The following CREB3L3 variants were observed in gnomAD, a reference collection of about 807,000 sequenced individuals.
The protein encoded by CREB3L3 is cyclic AMP-responsive element-binding protein 3-like protein 3.
In CREB3L3, 40 loss-of-function variants were observed where a neutral mutation model predicts 44.6. The ratio of observed to expected loss-of-function variants is 0.90; its 90% CI spans 0.70 to 1.17. CREB3L3 has a LOEUF of 1.17. Among genes scored for constraint, CREB3L3 ranks in the 50% most tolerant of loss-of-function variants. CREB3L3 has a pLI of 0.00. For synonymous variants in CREB3L3, 273 were observed against 256.3 expected, an observed-to-expected ratio of 1.06 and a Z score of -0.62; for missense variants, 578 against 595.8, an observed-to-expected ratio of 0.97 and a Z score of 0.31.
Position 4,172,752 on chromosome 19 carries a change from G to A in CREB3L3, c.*783G>A, listed in dbSNP as rs185346946. On this transcript the variant is annotated 3_prime_UTR_variant, in exon 10 of 10. Coordinates refer to ENST00000078445, the MANE Select transcript of CREB3L3 (RefSeq NM_032607.3). ...CCAGACAGACAGACCGACGCAGCCT[G>A]AAAGAGACCCAGACAGAGAGACAGG... The A allele has an allele frequency of 1.1e-3, 222 of 206,338 alleles. 1 individual carries two copies. The highest frequency in any genetic ancestry group is 2.3e-3 in the Admixed American group (39 of 17,082). The allele number at this position is 206,338 out of a possible 1,614,324, so 12.8% of individuals were successfully genotyped here. A position where few individuals can be genotyped will look rare whatever the true frequency, so the allele number is the denominator to read the frequency against.
intron 5 of CREB3L3, among the ~76,000 whole-genome samples, 160 bp from the exon 6 acceptor site, chr19:4,168,191 G>A (rs1966964650): frequency 6.6e-6 from 1 of 151,810 alleles, no homozygotes; most frequent in Non-Finnish European, 1.5e-5. Context: ...TAGAGACGGT[G>A]TTTCACCATG....
chr19:4,154,313 C>T (rs1452969958), intron 1 of CREB3L3, among the ~76,000 whole-genome samples: 1 of 152,136 alleles, frequency 6.6e-6, no homozygotes, highest in Non-Finnish European at 1.5e-5. Context: ...TTCAGGTGAG[C>T]TGCCCGCCTC....
Position 4,155,048 on chromosome 19 carries a change from G to C in CREB3L3, c.156+21G>C, listed in dbSNP as rs751207005. 10 of 1,602,016 alleles carry C rather than the reference G, an allele frequency of 6.2e-6. No homozygotes were observed. In the African/African-American group the frequency reaches 1.2e-4, roughly 19 times the overall value. ...ACCAGGTGAGGAGTCCACTGCAGTT[G>C]CCCCGGGACCACAGAGCTCCAGGCG... On this transcript the variant is annotated intron_variant, in intron 2 of 9. Transcript: ENST00000078445.
chr19:4,156,283 G>A (rs1357664298), intron 2 of CREB3L3, among the ~76,000 whole-genome samples: 4 of 151,326 alleles, frequency 2.6e-5, no homozygotes, highest in Non-Finnish European at 5.9e-5. Flanking sequence ...CACCTCCCAG[G>A]TTCAAGTGAT....
intron 7 of CREB3L3, 152 bp downstream of exon 7, chr19:4,170,360 A>T: frequency 1.3e-6 from 1 of 766,562 alleles, no homozygotes; most frequent in South Asian, 1.5e-5. Flanking sequence ...CTGTAATCTC[A>T]GCACTTTGGG....
intron 5 of CREB3L3, among the ~76,000 whole-genome samples, chr19:4,167,323 A>G (rs1173766905): frequency 7.2e-6 from 1 of 139,740 alleles, no homozygotes. Context: ...AGCCTGGGTG[A>G]CAAGAGCGAA....
At position 4,172,413 on chromosome 19, in the gene CREB3L3, A is replaced by C. The variant is rs1967074481; in HGVS notation, c.*444A>C. ...CAGCCTGAAACAGATCCGGACAGAC[A>C]GACAGAAACAGCCTGAAACAGACCC... is the stretch of plus-strand genomic sequence containing the variant. On this transcript the variant is annotated 3_prime_UTR_variant, in exon 10 of 10. Coordinates refer to ENST00000078445, the MANE Select transcript of CREB3L3 (RefSeq NM_032607.3). 3.2e-6 allele frequency: 1 copy of C among 315,806 alleles called. No homozygotes were observed. The highest frequency in any genetic ancestry group is 9.3e-5 in the East Asian group (1 of 10,752). 19.6% of individuals were successfully genotyped at this position (315,806 alleles called of 1,614,324 possible).
intron 4 of CREB3L3, among the ~76,000 whole-genome samples, chr19:4,164,217 C>A (rs1277116953): frequency 1.3e-5 from 2 of 151,982 alleles, no homozygotes; most frequent in Admixed American, 1.3e-4. Flanking sequence ...TAGTGATTTG[C>A]CCACCTCGGC....
In CREB3L3 at chr19:4,172,172, A is replaced by T; in HGVS notation, c.*203A>T. ...ACCGACACTCAGACACAAGGCAAAGAGGGCCACAGGACCCGGGAAATACAC... is the reference window on the plus strand; with the variant it reads ...ACCGACACTCAGACACAAGGCAAAGTGGGCCACAGGACCCGGGAAATACAC... On this transcript the variant is annotated 3_prime_UTR_variant, in exon 10 of 10. Coordinates refer to ENST00000078445, the MANE Select transcript of CREB3L3 (RefSeq NM_032607.3). 1.6e-6 allele frequency: 1 copy of T among 618,628 alleles called. No homozygotes were observed. Among genetic ancestry groups the T allele is most frequent in the Non-Finnish European group, 2.8e-6 (1 of 354,904 alleles). The allele number at this position is 618,628 out of a possible 1,614,324, so 38.3% of individuals were successfully genotyped here.
In CREB3L3 at chr19:4,153,698, C is replaced by T; in HGVS notation, c.-50C>T. Reference sequence around the variant, plus strand: ...ACGCTGGCGGTGGGTGGGCCTCCAGCTTGGAGCAGAGACCCCCCGAGGCAT... The same window carrying T: ...ACGCTGGCGGTGGGTGGGCCTCCAGTTTGGAGCAGAGACCCCCCGAGGCAT... On this transcript the variant is annotated 5_prime_UTR_variant, in exon 1 of 10. Coordinates refer to ENST00000078445, the MANE Select transcript of CREB3L3 (RefSeq NM_032607.3). The T allele has an allele frequency of 6.2e-7, 1 of 1,611,594 alleles. No individual in the cohort carries two copies. Among genetic ancestry groups the T allele is most frequent in the Non-Finnish European group, 8.5e-7 (1 of 1,178,232 alleles).
intron 2 of CREB3L3, among the ~76,000 whole-genome samples, chr19:4,155,749 C>T (rs2041563791): frequency 3.5e-5 from 2 of 57,678 alleles, no homozygotes; most frequent in East Asian, 8.1e-4. Flanking sequence ...TTCTTTTACT[C>T]TCTTTTTTTT....
chr19:4,166,624 G>A (rs1428346548), intron 5 of CREB3L3, among the ~76,000 whole-genome samples: 1 of 150,990 alleles, frequency 6.6e-6, no homozygotes, highest in Admixed American at 6.6e-5. Context: ...TCAAACTCCT[G>A]GCCTCAAGCA....
At chr19:4,163,029 C>T (rs187193338) in intron 4 of CREB3L3, among the ~76,000 whole-genome samples, 21 of 151,890 alleles carry the variant, frequency 1.4e-4, no homozygotes, top group African/African-American at 3.4e-4. Context: ...TCAAAAGGGC[C>T]GGGCGCGGTG....
intron 4 of CREB3L3, among the ~76,000 whole-genome samples, chr19:4,160,397 G>T (rs566198122): frequency 1.3e-5 from 2 of 151,886 alleles, no homozygotes; most frequent in Admixed American, 6.6e-5. Context: ...TTTGAGACAG[G>T]ATCTCACTCT....
intron 1 of CREB3L3, among the ~76,000 whole-genome samples, chr19:4,154,654 A>G (rs350877): frequency 0.7 from 106,291 of 151,974 alleles, 38,072 homozygotes; most frequent in East Asian, 0.87. Context: ...GATTACAGGC[A>G]TGAGCCACCA....
Position 4,171,299 on chromosome 19 carries a change from G to A in CREB3L3, c.976-84G>A, listed in dbSNP as rs1384329335. 6.8e-7 allele frequency: 1 copy of A among 1,475,652 alleles called. No homozygotes were observed. Among genetic ancestry groups the A allele is most frequent in the African/African-American group, 1.4e-5 (1 of 71,876 alleles). The allele number at this position is 1,475,652 out of a possible 1,614,324, so 91.4% of individuals were successfully genotyped here. ...TCAAGTATGATCCAGTCTGGTCTTT[G>A]GGGCCTCAGTTTCCCTGCCTGTGGG... On this transcript the variant is annotated intron_variant, in intron 8 of 9. Coordinates refer to ENST00000078445, the MANE Select transcript of CREB3L3 (RefSeq NM_032607.3). This position sits in a 1 kb window ranked among gnomAD's most constrained non-coding sequence, Gnocchi z 4.9.
Position 4,172,452 on chromosome 19 carries a change from G to C in CREB3L3, c.*483G>C, listed in dbSNP as rs866028031. The C allele has an allele frequency of 2.4e-4, 72 of 297,242 alleles. No individual in the cohort carries two copies. The Middle Eastern group carries it at 3.7e-3, about 15-fold the overall frequency. 18.4% of individuals were successfully genotyped at this position (297,242 alleles called of 1,614,324 possible). On this transcript the variant is annotated 3_prime_UTR_variant, in exon 10 of 10. Coordinates refer to ENST00000078445, the MANE Select transcript of CREB3L3 (RefSeq NM_032607.3). ...TGAAACAGACCCAGACAGACAGACA[G>C]ACACAGCCTGAAACAGACCCGGACA... is the stretch of plus-strand genomic sequence containing the variant.
rs1279002862 is a variant in CREB3L3 at position 4,171,358 on chromosome 19, G to C, written c.976-25G>C. 6.2e-7 allele frequency: 1 copy of C among 1,605,214 alleles called. No individual in the cohort carries two copies. The highest frequency in any genetic ancestry group is 2.2e-5 in the East Asian group (1 of 44,802). Reference sequence around the variant, plus strand: ...GCTTGCAGGGGAGGGGAGGGAGGGGGTGACTCTGCCGCTGTCTCCACCAGG... The same window carrying C: ...GCTTGCAGGGGAGGGGAGGGAGGGGCTGACTCTGCCGCTGTCTCCACCAGG... On this transcript the variant is annotated intron_variant, in intron 8 of 9. Coordinates refer to ENST00000078445, the MANE Select transcript of CREB3L3 (RefSeq NM_032607.3). The surrounding 1 kb of genome is among the most constrained non-coding windows in gnomAD (Gnocchi z 4.9).
At chr19:4,162,429 C>T (rs758586728) in intron 4 of CREB3L3, among the ~76,000 whole-genome samples, 2 of 143,878 alleles carry the variant, frequency 1.4e-5, no homozygotes, top group Non-Finnish European at 3.0e-5. Context: ...TACAGAACAA[C>T]GATACAAAAA....
Sources: gnomAD v4.1 joint callset for allele counts (sites outside exome capture counted in the v4.1 genomes callset) on GRCh38, gnomAD v4.1.1 for gene constraint, Gnocchi (gnomAD v3.1) non-coding constraint, MANE v1.5 for transcripts, NCBI Gene and HGNC (gene_info 2026-07-23, HGNC 2026-07-21) for gene names.